Variants in ATP4B observed in about 807,000 individuals in gnomAD.
ATP4B encodes potassium-transporting ATPase subunit beta.
Under a neutral mutation model 35.3 loss-of-function variants are expected in ATP4B, and 27 were observed. The observed-to-expected ratio is 0.76, with a 90% CI of 0.56 to 1.05. The LOEUF is 1.05. ATP4B is among the 50% of genes least tolerant of loss of function. The probability of loss-of-function intolerance (pLI) is 0.00; values close to 1 mark genes in which losing one functional copy is unlikely to be tolerated. For synonymous variants in ATP4B, 162 were observed against 156.0 expected, an observed-to-expected ratio of 1.04 and a Z score of -0.29; for missense variants, 375 against 384.8, an observed-to-expected ratio of 0.97 and a Z score of 0.21.
At chr13:113,657,380 C>T (rs1000400109) in intron 1 of ATP4B, among the ~76,000 whole-genome samples, 6 of 152,226 alleles carry the variant, frequency 3.9e-5, no homozygotes, top group South Asian at 4.1e-4. Flanking sequence ...GGGCGTTTCC[C>T]GGAACGGGTG....
At position 113,649,259 on chromosome 13, in the gene ATP4B, C is replaced by T. The variant is rs1199322108; in HGVS notation, c.*115G>A. Reference sequence around the variant, plus strand: ...AGTTCGCACACTGACAACACCGTTGCTCCAAACCACTTTGGGGATGATTTG... The same window carrying T: ...AGTTCGCACACTGACAACACCGTTGTTCCAAACCACTTTGGGGATGATTTG... On this transcript the variant is annotated 3_prime_UTR_variant, in exon 7 of 7. Coordinates refer to ENST00000335288, the MANE Select transcript of ATP4B (RefSeq NM_000705.4). The surrounding 1 kb of genome is among the most constrained non-coding windows in gnomAD (Gnocchi z 4.7). 1 of 1,345,282 alleles carries T rather than the reference C, an allele frequency of 7.4e-7. No homozygotes were observed. Among genetic ancestry groups the T allele is most frequent in the Non-Finnish European group, 1.0e-6 (1 of 996,916 alleles). The allele number at this position is 1,345,282 out of a possible 1,614,324, so 83.3% of individuals were successfully genotyped here. A position where few individuals can be genotyped will look rare whatever the true frequency, so the allele number is the denominator to read the frequency against.
chr13:113,653,263 CCGCTT>C (rs2049727403), intron 3 of ATP4B, 53 bp downstream of exon 3: 41 of 1,535,854 alleles, frequency 2.7e-5, no homozygotes, highest in African/African-American at 4.1e-5. Context: ...CACCCACCCG[CCGCTT>C]CACACCTCAC....
chr13:113,649,200 C>T lies in ATP4B; in HGVS notation c.*174G>A, dbSNP rs185756522. ...TTCAACAAGGAAGAACTGATACTCG[C>T]GAGCAGGTCCTTCAGATGTGGGCGC... is the stretch of plus-strand genomic sequence containing the variant. On this transcript the variant is annotated 3_prime_UTR_variant, in exon 7 of 7. Coordinates refer to ENST00000335288, the MANE Select transcript of ATP4B (RefSeq NM_000705.4). The surrounding 1 kb of genome is among the most constrained non-coding windows in gnomAD (Gnocchi z 4.7). 101 of 597,858 alleles carry T rather than the reference C, an allele frequency of 1.7e-4. No homozygotes were observed. The East Asian group carries it at 1.9e-3, about 11-fold the overall frequency. 37.0% of individuals were successfully genotyped at this position (597,858 alleles called of 1,614,324 possible).
At chr13:113,657,534 A>G (rs1398106299) in intron 1 of ATP4B, among the ~76,000 whole-genome samples, 7 of 152,314 alleles carry the variant, frequency 4.6e-5, no homozygotes, top group African/African-American at 1.7e-4. Flanking sequence ...GACCTCGCAC[A>G]AGGCGCAGGT....
In ATP4B at chr13:113,649,895, G is replaced by A. The variant is rs1253448095; in HGVS notation, c.715-360C>T. Among the ~76,000 whole-genome samples the A allele has an allele frequency of 4.6e-5, 7 of 152,330 alleles. No homozygotes were observed. In the East Asian group the frequency reaches 1.3e-3, roughly 29 times the overall value. ...TAGAAAAATTAGGCTGGGCGCAGTG[G>A]CTCATGCCTGTAATCCTAGCACTTT... On this transcript the variant is annotated intron_variant, in intron 6 of 6. Transcript: ENST00000335288. The surrounding 1 kb of genome is among the most constrained non-coding windows in gnomAD (Gnocchi z 4.7).
At chr13:113,651,431 C>T (rs1424264176) in intron 5 of ATP4B, among the ~76,000 whole-genome samples, 4 of 152,358 alleles carry the variant, frequency 2.6e-5, no homozygotes, top group Admixed American at 2.0e-4. Context: ...GCTGCTGACA[C>T]GCTACTCAGA....
chr13:113,649,680 T>C lies in ATP4B; in HGVS notation c.715-145A>G, dbSNP rs2049697096. ...ACTGGCCCTGACCGAGTGCATGCCC[T>C]GGAATTTGCTGAGATAACACCCCCC... On this transcript the variant is annotated intron_variant, in intron 6 of 6. Transcript: ENST00000335288. The surrounding 1 kb of genome is among the most constrained non-coding windows in gnomAD (Gnocchi z 4.7). 1.1e-6 allele frequency: 1 copy of C among 919,566 alleles called. No homozygotes were observed. Among genetic ancestry groups the C allele is most frequent in the Non-Finnish European group, 1.5e-6 (1 of 657,820 alleles). The allele number at this position is 919,566 out of a possible 1,614,324, so 57.0% of individuals were successfully genotyped here.
chr13:113,652,554 T>G (rs964675602), intron 4 of ATP4B: 3 of 427,280 alleles, frequency 7.0e-6, no homozygotes, highest in Non-Finnish European at 8.8e-6. Context: ...CTCCAGAACT[T>G]GAGGCCCCTT....
chr13:113,650,343 T>C lies in ATP4B; in HGVS notation c.714+63A>G. 1 of 1,496,766 alleles carries C rather than the reference T, an allele frequency of 6.7e-7. No individual in the cohort carries two copies. 92.7% of individuals were successfully genotyped at this position (1,496,766 alleles called of 1,614,324 possible). A position where few individuals can be genotyped will look rare whatever the true frequency, so the allele number is the denominator to read the frequency against. The stretch of plus-strand genomic sequence containing the variant: ...TACATGAAGGGGCTTATTGCTTTCC[T>C]TTCGCTAAGTGTGAGAGGACTCAGC... On this transcript the variant is annotated intron_variant, in intron 6 of 6. Coordinates refer to ENST00000335288, the MANE Select transcript of ATP4B (RefSeq NM_000705.4). This position sits in a 1 kb window ranked among gnomAD's most constrained non-coding sequence, Gnocchi z 5.0.
chr13:113,656,540 C>T (rs557572779), intron 1 of ATP4B, among the ~76,000 whole-genome samples: 21 of 152,272 alleles, frequency 1.4e-4, no homozygotes, highest in Non-Finnish European at 1.8e-4. Flanking sequence ...GTTCAGGGCA[C>T]GCTGCAGTGC....
At position 113,650,216 on chromosome 13, in the gene ATP4B, C is replaced by T. The variant is rs1422971588; in HGVS notation, c.714+190G>A. 2.6e-5 allele frequency among the ~76,000 whole-genome samples: 4 copies of T among 151,520 alleles called. No individual in the cohort carries two copies. Among genetic ancestry groups the T allele is most frequent in the African/African-American group, 4.9e-5 (2 of 41,170 alleles). On this transcript the variant is annotated intron_variant, in intron 6 of 6. Coordinates refer to ENST00000335288, the MANE Select transcript of ATP4B (RefSeq NM_000705.4). The surrounding 1 kb of genome is among the most constrained non-coding windows in gnomAD (Gnocchi z 5.0). ...GAGTTAGAGTTGTATTTTCATGTTG[C>T]GTGAGAGGAATGTTTCCAGGTAGAT...
Position 113,656,022 on chromosome 13 carries a change from T to G in ATP4B, c.113-1080A>C, listed in dbSNP as rs965965424. Among the ~76,000 whole-genome samples, 3 of 152,250 alleles carry G rather than the reference T, an allele frequency of 2.0e-5. 1 individual carries two copies. In the East Asian group the frequency reaches 5.8e-4, roughly 29 times the overall value. On this transcript the variant is annotated intron_variant, in intron 1 of 6. Coordinates refer to ENST00000335288, the MANE Select transcript of ATP4B (RefSeq NM_000705.4). Reference sequence around the variant, plus strand: ...GGTCTTGCTCACCTGGCATCCACTTTGAGTCCCTCCTTTCCCCGCCGGGCG... The same window carrying G: ...GGTCTTGCTCACCTGGCATCCACTTGGAGTCCCTCCTTTCCCCGCCGGGCG...
chr13:113,651,726 A>C lies in ATP4B; in HGVS notation c.557T>G (p.Ile186Ser), dbSNP rs573826285. 2 of 1,613,728 alleles carry C rather than the reference A, an allele frequency of 1.2e-6. No homozygotes were observed. Among genetic ancestry groups the C allele is most frequent in the African/African-American group, 2.7e-5 (2 of 75,036 alleles). Residue 186 changes from isoleucine to serine, a missense_variant and splice_region_variant, in exon 5 of 7, where the codon ATC becomes AGC. Transcript: ENST00000335288. The stretch of plus-strand genomic sequence containing the variant: ...GCCGTTGCTGGGGAGGAACTTGACG[A>C]TCTAGAAGGGAAAAGCTTGAGCGTG... ...KPCFIIKMNRIVKFLPSNGSA... is the reference protein window; with the variant it reads ...KPCFIIKMNRSVKFLPSNGSA...
Position 113,658,150 on chromosome 13 carries a change from C to T in ATP4B, c.-6G>A, listed in dbSNP as rs774816406. On this transcript the variant is annotated 5_prime_UTR_variant, in exon 1 of 7. Coordinates refer to ENST00000335288, the MANE Select transcript of ATP4B (RefSeq NM_000705.4). ...TTCTCCTGCAGAGCCGCCATCGTCCCTGGCCTGAGATCCTCCCGTCTGCTC... is the reference window on the plus strand; with the variant it reads ...TTCTCCTGCAGAGCCGCCATCGTCCTTGGCCTGAGATCCTCCCGTCTGCTC... 6.2e-7 allele frequency: 1 copy of T among 1,610,304 alleles called. No homozygotes were observed. Among genetic ancestry groups the T allele is most frequent in the South Asian group, 1.1e-5 (1 of 90,402 alleles).
chr13:113,653,210 TCACCTGCTGCTTCACACCTCACC>T lies in ATP4B; in HGVS notation c.355+88_355+110del, dbSNP rs1177048643. ...CGAAGCTGTGGAGCCGTTTCACACCTCACCTGCTGCTTCACACCTCACCCACCCGCCGCTTCACACCTCACCCA... is the reference window on the plus strand; with the variant it reads ...CGAAGCTGTGGAGCCGTTTCACACCTCACCCGCCGCTTCACACCTCACCCA... On this transcript the variant is annotated intron_variant, in intron 3 of 6. Coordinates refer to ENST00000335288, the MANE Select transcript of ATP4B (RefSeq NM_000705.4). 1.1e-5 allele frequency: 15 copies of T among 1,381,120 alleles called. No homozygotes were observed. The Admixed American group carries it at 1.6e-4, about 15-fold the overall frequency. The allele number at this position is 1,381,120 out of a possible 1,614,324, so 85.6% of individuals were successfully genotyped here.
chr13:113,652,558 G>C (rs1420555610), intron 4 of ATP4B: 1 of 434,238 alleles, frequency 2.3e-6, no homozygotes. Context: ...AGAACTTGAG[G>C]CCCCTTTACC....
Position 113,653,070 on chromosome 13 carries a change from A to T in ATP4B, c.358T>A (p.Tyr120Asn), listed in dbSNP as rs750134250. The T allele has an allele frequency of 6.2e-6, 10 of 1,608,096 alleles. No homozygotes were observed. Among genetic ancestry groups the T allele is most frequent in the Non-Finnish European group, 8.5e-6 (10 of 1,175,538 alleles). ...TQTLHAFLAGYSPAAQEDSIN... is the reference protein window; with the variant it reads ...TQTLHAFLAGNSPAAQEDSIN... ...CTGTCCTCCTGGGCTGCTGGAGAGT[A>T]GCCTGCAGACGGACGCACCTGCCAG... Residue 120 changes from tyrosine to asparagine, a missense_variant and splice_region_variant, in exon 4 of 7, where the codon TAC becomes AAC. By Grantham distance (143) the Tyr-to-Asn change is moderately radical. Coordinates refer to ENST00000335288, the MANE Select transcript of ATP4B (RefSeq NM_000705.4).
At position 113,649,116 on chromosome 13, in the gene ATP4B, C is replaced by T. The variant is rs541916892; in HGVS notation, c.*258G>A. On this transcript the variant is annotated 3_prime_UTR_variant, in exon 7 of 7. Transcript: ENST00000335288. The surrounding 1 kb of genome is among the most constrained non-coding windows in gnomAD (Gnocchi z 4.7). Reference sequence around the variant, plus strand: ...GGTTAATTAGAGAGTTGCTGCCTTGCGTTCCCATGGTAGCTGGACATTCTT... The same window carrying T: ...GGTTAATTAGAGAGTTGCTGCCTTGTGTTCCCATGGTAGCTGGACATTCTT... The T allele has an allele frequency of 4.1e-5, 13 of 320,292 alleles. No individual in the cohort carries two copies. Among genetic ancestry groups the T allele is most frequent in the Admixed American group, 2.3e-4 (5 of 21,752 alleles). The allele number at this position is 320,292 out of a possible 1,614,324, so 19.8% of individuals were successfully genotyped here. A position where few individuals can be genotyped will look rare whatever the true frequency, so the allele number is the denominator to read the frequency against.
chr13:113,656,590 C>T lies in ATP4B; in HGVS notation c.112+1443G>A, dbSNP rs544656857. 2.8e-3 allele frequency among the ~76,000 whole-genome samples: 422 copies of T among 152,310 alleles called. 2 individuals carry two copies. The highest frequency in any genetic ancestry group is 3.5e-3 in the Non-Finnish European group (237 of 68,016). Reference sequence around the variant, plus strand: ...GGGAGGTGACTGAGAGTCCCATTCCCGCCAGCTCCTGGGGCCGGCCGGGTG... The same window carrying T: ...GGGAGGTGACTGAGAGTCCCATTCCTGCCAGCTCCTGGGGCCGGCCGGGTG... On this transcript the variant is annotated intron_variant, in intron 1 of 6. Coordinates refer to ENST00000335288, the MANE Select transcript of ATP4B (RefSeq NM_000705.4).
Sources: gnomAD v4.1 joint callset for allele counts (sites outside exome capture counted in the v4.1 genomes callset) on GRCh38, gnomAD v4.1.1 for gene constraint, Gnocchi (gnomAD v3.1) non-coding constraint, MANE v1.5 for transcripts, NCBI Gene and HGNC (gene_info 2026-07-23, HGNC 2026-07-21) for gene names.